The following XRN2 variants were observed in gnomAD, a reference collection of about 807,000 sequenced individuals.
XRN2 encodes 5'-3' exoribonuclease 2.
In XRN2, 44 loss-of-function variants were observed where a neutral mutation model predicts 138.5. The observed-to-expected ratio is 0.32, with a 90% CI of 0.25 to 0.41. XRN2 has a LOEUF of 0.41. XRN2 is among the 10% of genes least tolerant of loss of function. The pLI is 1.00. For missense variants in XRN2, 937 were observed against 1,169.3 expected, an observed-to-expected ratio of 0.80 and a Z score of 2.90; for synonymous variants, 354 against 369.4, an observed-to-expected ratio of 0.96 and a Z score of 0.48.
Position 21,389,527 on chromosome 20 carries a change from A to T in XRN2, c.*189A>T. ...TTTCCAAAGATGTATGTTGCATAAT[A>T]CAGTGGATCTGAATTTATTATTGCT... On this transcript the variant is annotated 3_prime_UTR_variant, in exon 30 of 30. Coordinates refer to ENST00000377191, the MANE Select transcript of XRN2 (RefSeq NM_012255.5). 2.0e-6 allele frequency: 1 copy of T among 497,058 alleles called. No homozygotes were observed. Among genetic ancestry groups the T allele is most frequent in the Non-Finnish European group, 3.5e-6 (1 of 286,320 alleles). The allele number at this position is 497,058 out of a possible 1,614,324, so 30.8% of individuals were successfully genotyped here. A position where few individuals can be genotyped will look rare whatever the true frequency, so the allele number is the denominator to read the frequency against.
intron 1 of XRN2, among the ~76,000 whole-genome samples, chr20:21,316,325 C>T (rs537686039): frequency 6.6e-6 from 1 of 152,308 alleles, no homozygotes; most frequent in Admixed American, 6.5e-5. Context: ...TTTCTTTTAT[C>T]GTTTGTGCTT....
chr20:21,384,736 G>A (rs1270466954), intron 28 of XRN2, among the ~76,000 whole-genome samples: 1 of 152,154 alleles, frequency 6.6e-6, no homozygotes, highest in Admixed American at 6.5e-5. Flanking sequence ...GAAGTGATCT[G>A]CCTGCCTCGG....
At position 21,328,630 on chromosome 20, in the gene XRN2, A is replaced by T. The variant is rs768901516; in HGVS notation, c.387A>T (p.Ala129=). The change falls in exon 4 of 30, where the codon GCA becomes GCT. Residue 129 remains alanine (A), a synonymous_variant. Coordinates refer to ENST00000377191, the MANE Select transcript of XRN2 (RefSeq NM_012255.5). ...CATCAAAAGAAGGAATGGAAGCAGC[A>T]GTCGAGAAGCAGCGAGTCAGGGAAG... ...FRASKEGMEA[A]VEKQRVREEI... 8.1e-6 allele frequency: 13 copies of T among 1,614,042 alleles called. No individual in the cohort carries two copies. The South Asian group carries it at 1.4e-4, about 18-fold the overall frequency.
At chr20:21,364,039 C>T (rs2038667031) in intron 24 of XRN2, among the ~76,000 whole-genome samples, 1 of 152,134 alleles carries the variant, frequency 6.6e-6, no homozygotes, top group South Asian at 2.1e-4. Flanking sequence ...TCACACCATT[C>T]TCCTGCCTCA....
Position 21,354,758 on chromosome 20 carries a change from A to G in XRN2, c.1937-31A>G. The G allele has an allele frequency of 1.9e-6, 3 of 1,606,130 alleles. 1 individual carries two copies. The highest frequency in any genetic ancestry group is 2.2e-5 in the South Asian group (2 of 90,394). ...TTGGAATTTGGGTGATCCTGGTAGCAGGGGTGGTTCATTTGCACTTGTTTT... is the reference window on the plus strand; with the variant it reads ...TTGGAATTTGGGTGATCCTGGTAGCGGGGGTGGTTCATTTGCACTTGTTTT... On this transcript the variant is annotated intron_variant, in intron 20 of 29. Coordinates refer to ENST00000377191, the MANE Select transcript of XRN2 (RefSeq NM_012255.5).
chr20:21,346,044 T>G lies in XRN2; in HGVS notation c.1530-371T>G, dbSNP rs187325830. 1.0e-3 allele frequency among the ~76,000 whole-genome samples: 155 copies of G among 152,356 alleles called. 1 individual carries two copies. Among genetic ancestry groups the G allele is most frequent in the African/African-American group, 3.6e-3 (150 of 41,592 alleles). On this transcript the variant is annotated intron_variant, in intron 16 of 29. Coordinates refer to ENST00000377191, the MANE Select transcript of XRN2 (RefSeq NM_012255.5). The stretch of plus-strand genomic sequence containing the variant: ...TTAACAAACTAAGGAACTTGAACTA[T>G]TTAAAATATCTTCAATATTTGAATC...
chr20:21,363,359 GAT>G (rs2038659376), intron 24 of XRN2, among the ~76,000 whole-genome samples: 1 of 152,036 alleles, frequency 6.6e-6, no homozygotes, highest in Non-Finnish European at 1.5e-5. Context: ...CTGAAACACA[GAT>G]ACCTGCTTCA....
chr20:21,376,195 C>G (rs1448156162), intron 27 of XRN2, among the ~76,000 whole-genome samples: 1 of 151,782 alleles, frequency 6.6e-6, no homozygotes, highest in Non-Finnish European at 1.5e-5. Context: ...ACCTGTAATC[C>G]AAGCACAGAT....
At chr20:21,341,959 G>A (rs1412446700) in intron 15 of XRN2, among the ~76,000 whole-genome samples, 3 of 152,104 alleles carry the variant, frequency 2.0e-5, no homozygotes, top group Non-Finnish European at 4.4e-5. Context: ...TAGGCCACAG[G>A]ACCAGACTGT....
chr20:21,348,058 G>A, intron 17 of XRN2, 88 bp from the exon 18 acceptor site: 1 of 1,040,066 alleles, frequency 9.6e-7, no homozygotes, highest in Admixed American at 3.4e-5. Flanking sequence ...GAATATTATA[G>A]GTTAACAGTC....
chr20:21,344,382 A>T (rs143996753), intron 16 of XRN2, among the ~76,000 whole-genome samples, 174 bp downstream of exon 16: 2 of 152,312 alleles, frequency 1.3e-5, no homozygotes, highest in East Asian at 3.9e-4. Flanking sequence ...TGAGATGTGT[A>T]AGCTGTAGCT....
At chr20:21,350,329 A>G (rs1330768808) in intron 20 of XRN2, among the ~76,000 whole-genome samples, 2 of 152,062 alleles carry the variant, frequency 1.3e-5, no homozygotes, top group Non-Finnish European at 2.9e-5. Flanking sequence ...GATCGAGACC[A>G]TCCTGGCTAA....
chr20:21,312,391 G>A (rs6047371), intron 1 of XRN2, among the ~76,000 whole-genome samples: 103,035 of 151,918 alleles, frequency 0.68, 35,674 homozygotes, highest in South Asian at 0.83. Context: ...ACCGTGCCCG[G>A]CCTTAGGTTG....
chr20:21,312,273 C>A (rs1230647394), intron 1 of XRN2, among the ~76,000 whole-genome samples: 1 of 151,928 alleles, frequency 6.6e-6, no homozygotes, highest in Non-Finnish European at 1.5e-5. Context: ...CCACCATGCC[C>A]AGCTAAGTTT....
At chr20:21,352,855 G>T (rs1251741038) in intron 20 of XRN2, among the ~76,000 whole-genome samples, 1 of 152,006 alleles carries the variant, frequency 6.6e-6, no homozygotes, top group African/African-American at 2.4e-5. Context: ...ACCAGTACTT[G>T]GGCTCCCTCT....
intron 20 of XRN2, among the ~76,000 whole-genome samples, chr20:21,350,097 T>G (rs2038486629): frequency 6.6e-6 from 1 of 152,252 alleles, no homozygotes; most frequent in Admixed American, 6.5e-5. Flanking sequence ...TACTTGATGT[T>G]GATCATTACT....
Position 21,337,745 on chromosome 20 carries a change from C to A in XRN2, c.1234-1299C>A, listed in dbSNP as rs118105361. 9.7e-4 allele frequency among the ~76,000 whole-genome samples: 148 copies of A among 152,288 alleles called. No individual in the cohort carries two copies. The South Asian group carries it at 0.011, about 11-fold the overall frequency. On this transcript the variant is annotated intron_variant, in intron 13 of 29. Coordinates refer to ENST00000377191, the MANE Select transcript of XRN2 (RefSeq NM_012255.5). ...TTTGATTTTTCACACAAAAAACTTG[C>A]AACCTCCAGCATAAATGGGTTAAGA...
chr20:21,362,100 T>G (rs994600765), intron 24 of XRN2, among the ~76,000 whole-genome samples: 1 of 128,132 alleles, frequency 7.8e-6, no homozygotes, highest in African/African-American at 2.9e-5. Context: ...GTGTAGATCC[T>G]TTTGTTGAAT....
intron 27 of XRN2, among the ~76,000 whole-genome samples, chr20:21,371,981 T>G (rs2122328549): frequency 6.6e-6 from 1 of 152,384 alleles, no homozygotes; most frequent in African/African-American, 2.4e-5. Flanking sequence ...TTATTTGCCA[T>G]TGTTGTGGCT....
Sources: gnomAD v4.1 joint callset for allele counts (sites outside exome capture counted in the v4.1 genomes callset) on GRCh38, gnomAD v4.1.1 for gene constraint, MANE v1.5 for transcripts, NCBI Gene and HGNC (gene_info 2026-07-23, HGNC 2026-07-21) for gene names.